The following CADM1 variants were observed in gnomAD, a reference collection of about 807,000 sequenced individuals.
CADM1 encodes the protein cell adhesion molecule 1, also known as TSLC-1.
In CADM1, 15 loss-of-function variants were observed where a neutral mutation model predicts 53.1. That is an observed-to-expected ratio of 0.28 (90% CI 0.19 to 0.44). The LOEUF is 0.44. Among genes scored for constraint, CADM1 ranks in the 20% least tolerant of loss-of-function variants. CADM1 has a pLI of 1.00. For missense variants in CADM1, 434 were observed against 611.3 expected (o/e 0.71, Z 3.06); for synonymous variants, 281 against 243.0 (o/e 1.16, Z -1.45).
At chr11:115,304,883 T>C (rs1944323533) in intron 1 of CADM1, among the ~76,000 whole-genome samples, 1 of 151,992 alleles carries the variant, frequency 6.6e-6, no homozygotes, top group African/African-American at 2.4e-5. Flanking sequence ...TAATATGAGG[T>C]CACTGCCTTT....
chr11:115,229,338 C>T, intron 4 of CADM1, 67 bp from the exon 5 acceptor site: 1 of 1,454,722 alleles, frequency 6.9e-7, no homozygotes, highest in Non-Finnish European at 9.6e-7. Flanking sequence ...TTTTTATGTC[C>T]TCCCCTCTGT....
intron 1 of CADM1, among the ~76,000 whole-genome samples, chr11:115,461,923 A>T (rs928874969): frequency 8.5e-5 from 13 of 152,160 alleles, no homozygotes; most frequent in Non-Finnish European, 1.8e-4. Flanking sequence ...GAAAAGCAAC[A>T]CTTGAAGTTG....
intron 1 of CADM1, among the ~76,000 whole-genome samples, chr11:115,459,713 T>A (rs1267502666): frequency 6.6e-6 from 1 of 152,172 alleles, no homozygotes; most frequent in Non-Finnish European, 1.5e-5. Context: ...CACACAAAGT[T>A]AATTCAAAAT....
chr11:115,373,598 AAAAAAAAAAAGAAG>A (rs1323015163), intron 1 of CADM1, among the ~76,000 whole-genome samples: 40 of 118,910 alleles, frequency 3.4e-4, no homozygotes, highest in Middle Eastern at 4.8e-3. Context: ...AAAAAAAAAA[AAAAAAAAAAAGAAG>A]AAGAAGAAGA....
At chr11:115,303,003 A>T (rs1387166001) in intron 1 of CADM1, among the ~76,000 whole-genome samples, 1 of 152,082 alleles carries the variant, frequency 6.6e-6, no homozygotes, top group African/African-American at 2.4e-5. Context: ...CATGAAAACA[A>T]ACCAACTGAG....
At chr11:115,491,453 T>C (rs1949495279) in intron 1 of CADM1, among the ~76,000 whole-genome samples, 1 of 151,980 alleles carries the variant, frequency 6.6e-6, no homozygotes, top group African/African-American at 2.4e-5. Flanking sequence ...CAGTCCCACC[T>C]ACTCGGGAGG....
chr11:115,258,193 C>T (rs1371244631), intron 1 of CADM1, among the ~76,000 whole-genome samples: 2 of 152,120 alleles, frequency 1.3e-5, no homozygotes, highest in Non-Finnish European at 2.9e-5. Context: ...TAAACGACCC[C>T]CTGACTTTAT....
intron 1 of CADM1, among the ~76,000 whole-genome samples, chr11:115,419,946 T>C (rs1947710803): frequency 6.6e-6 from 1 of 152,198 alleles, no homozygotes; most frequent in South Asian, 2.1e-4. Flanking sequence ...ATAAATTCAG[T>C]TCGAGCCTTC....
intron 1 of CADM1, among the ~76,000 whole-genome samples, chr11:115,303,035 G>C (rs56094217): frequency 6.6e-6 from 1 of 152,018 alleles, no homozygotes; most frequent in African/African-American, 2.4e-5. Context: ...GATGAGCAGA[G>C]TGTATGCTGC....
intron 10 of CADM1, among the ~76,000 whole-genome samples, chr11:115,183,793 A>G (rs2134608402): frequency 6.6e-6 from 1 of 152,146 alleles, no homozygotes; most frequent in South Asian, 2.1e-4. Flanking sequence ...GTCATAAACT[A>G]CCTCAGCTCT....
rs535247492 is a variant in CADM1, at chr11:115,257,001, G to A, written c.125-16581C>T. 121 of 413,854 alleles carry A rather than the reference G, an allele frequency of 2.9e-4. 1 individual carries two copies. The highest frequency in any genetic ancestry group is 1.6e-3 in the South Asian group (93 of 58,184). 25.6% of individuals were successfully genotyped at this position (413,854 alleles called of 1,614,324 possible). A position where few individuals can be genotyped will look rare whatever the true frequency, so the allele number is the denominator to read the frequency against. On this transcript the variant is annotated intron_variant, in intron 1 of 11. Transcript: ENST00000331581. The stretch of plus-strand genomic sequence containing the variant: ...TTGTCACATTTAGAGTGTGAATTAC[G>A]TACTTCCTGGAAACCCAGTTAAGCC...
chr11:115,336,670 T>C (rs538058465), intron 1 of CADM1, among the ~76,000 whole-genome samples: 17 of 152,266 alleles, frequency 1.1e-4, no homozygotes, highest in South Asian at 8.3e-4. Context: ...CCTGATGTGT[T>C]TGTTCACAAT....
At chr11:115,315,059 C>T (rs1217177272) in intron 1 of CADM1, among the ~76,000 whole-genome samples, 1 of 152,116 alleles carries the variant, frequency 6.6e-6, no homozygotes, top group African/African-American at 2.4e-5. Flanking sequence ...CAGTGCTAGG[C>T]ATATGCAAGA....
chr11:115,368,781 G>C (rs574186796), intron 1 of CADM1, among the ~76,000 whole-genome samples: 93 of 152,112 alleles, frequency 6.1e-4, no homozygotes, highest in Middle Eastern at 3.4e-3. Context: ...CTGTCCAACA[G>C]AAGTTTCTGC....
At chr11:115,443,753 T>C (rs1948383398) in intron 1 of CADM1, among the ~76,000 whole-genome samples, 1 of 152,228 alleles carries the variant, frequency 6.6e-6, no homozygotes, top group Non-Finnish European at 1.5e-5. Flanking sequence ...CTGCTAAATT[T>C]GTGGATGCAA....
Position 115,306,280 on chromosome 11 carries a change from G to A in CADM1, c.125-65860C>T, listed in dbSNP as rs370606233. On this transcript the variant is annotated intron_variant, in intron 1 of 11. Coordinates refer to ENST00000331581, the MANE Select transcript of CADM1 (RefSeq NM_001301043.2). ...TACAGTATTCAGTGCAGTAACATGCGTACAGGTTTGTAGCGTAGGAGCAAT... is the reference window on the plus strand; with the variant it reads ...TACAGTATTCAGTGCAGTAACATGCATACAGGTTTGTAGCGTAGGAGCAAT... Among the ~76,000 whole-genome samples the A allele has an allele frequency of 2.4e-4, 37 of 152,064 alleles. 1 individual carries two copies. The highest frequency in any genetic ancestry group is 1.3e-4 in the Admixed American group (2 of 15,250).
intron 1 of CADM1, among the ~76,000 whole-genome samples, chr11:115,271,277 T>TTTGTTG (rs140375460): frequency 1.3e-5 from 2 of 151,830 alleles, no homozygotes; most frequent in Non-Finnish European, 2.9e-5. Context: ...TTGTTGTTGT[T>TTTGTTG]TTGTTGTTGT....
At chr11:115,206,169 G>T (rs886101078) in intron 8 of CADM1, among the ~76,000 whole-genome samples, 1 of 152,198 alleles carries the variant, frequency 6.6e-6, no homozygotes, top group African/African-American at 2.4e-5. Flanking sequence ...AAGGCTGTAT[G>T]GGTACGGTTT....
intron 1 of CADM1, among the ~76,000 whole-genome samples, chr11:115,283,438 A>G (rs1943640451): frequency 1.3e-5 from 2 of 152,150 alleles, no homozygotes; most frequent in Non-Finnish European, 2.9e-5. Context: ...TATAGAAGGT[A>G]TTGGAAGGAA....
Sources: allele counts gnomAD v4.1 joint callset (sites outside exome capture counted in the v4.1 genomes callset), GRCh38; gene constraint gnomAD v4.1.1; transcripts MANE v1.5; gene names NCBI Gene and HGNC (gene_info 2026-07-23, HGNC 2026-07-21).